Variants in RARB observed in about 807,000 individuals in gnomAD.
RARB encodes retinoic acid receptor beta, also known as HBV-activated protein.
Under a neutral mutation model 51.9 loss-of-function variants are expected in RARB, and 17 were observed. The ratio of observed to expected loss-of-function variants is 0.33; its 90% confidence interval spans 0.22 to 0.49. RARB has a LOEUF of 0.49. RARB is among the 20% of genes least tolerant of loss of function. The probability of loss-of-function intolerance (pLI) is 0.99; values close to 1 mark genes in which losing one functional copy is unlikely to be tolerated. For missense variants in RARB, 369 were observed against 550.8 expected, an observed-to-expected ratio of 0.67 and a Z score of 3.30; for synonymous variants, 215 against 195.4, an observed-to-expected ratio of 1.10 and a Z score of -0.84.
At chr3:24,993,176 C>T (rs1008790832) in intron 2 of RARB, among the ~76,000 whole-genome samples, 2 of 151,898 alleles carry the variant, frequency 1.3e-5, no homozygotes, top group African/African-American at 4.8e-5. Context: ...CATGATGATT[C>T]TGGTGAAAAA....
chr3:24,955,733 C>T (rs4296555), intron 2 of RARB, among the ~76,000 whole-genome samples: 6,499 of 151,808 alleles, frequency 0.043, 371 homozygotes, highest in African/African-American at 0.12. Context: ...CAATTTTTTT[C>T]GGGAGCAATA....
chr3:25,116,691 C>A (rs1018151819), intron 3 of RARB, among the ~76,000 whole-genome samples: 1 of 151,962 alleles, frequency 6.6e-6, no homozygotes, highest in Non-Finnish European at 1.5e-5. Context: ...TAAATGGTAT[C>A]TTTGAATTAC....
intron 3 of RARB, among the ~76,000 whole-genome samples, chr3:25,099,183 G>T (rs1341801856): frequency 6.6e-6 from 1 of 152,166 alleles, no homozygotes. Context: ...CAAAGCCCTT[G>T]GCTTTAAATA....
chr3:25,063,956 A>G (rs1307169379), intron 3 of RARB, among the ~76,000 whole-genome samples: 2 of 151,986 alleles, frequency 1.3e-5, no homozygotes, highest in African/African-American at 4.8e-5. Flanking sequence ...GATTCGAATG[A>G]TCTCCTCATT....
At chr3:25,106,358 C>A (rs1190132976) in intron 3 of RARB, among the ~76,000 whole-genome samples, 2 of 147,042 alleles carry the variant, frequency 1.4e-5, no homozygotes, top group Non-Finnish European at 1.5e-5. Context: ...TCACTGCAGC[C>A]TTGACCCCTC....
At chr3:24,904,893 T>C (rs986908438) in intron 2 of RARB, among the ~76,000 whole-genome samples, 2 of 152,192 alleles carry the variant, frequency 1.3e-5, no homozygotes, top group African/African-American at 4.8e-5. Context: ...ACCATCATTC[T>C]CAGCAAACTA....
intron 2 of RARB, among the ~76,000 whole-genome samples, chr3:25,002,810 T>C (rs943063014): frequency 4.6e-5 from 7 of 151,966 alleles, no homozygotes; most frequent in African/African-American, 1.4e-4. Context: ...TTTAATTGCT[T>C]TGTTTCATCA....
chr3:25,222,233 C>CTA (rs1701963581), intron 5 of RARB, among the ~76,000 whole-genome samples: 2 of 152,220 alleles, frequency 1.3e-5, no homozygotes, highest in East Asian at 3.9e-4. Flanking sequence ...CCCAGGAGGC[C>CTA]TATATAATTG....
chr3:25,053,370 G>A (rs1231989085), intron 2 of RARB, among the ~76,000 whole-genome samples: 1 of 152,142 alleles, frequency 6.6e-6, no homozygotes, highest in African/African-American at 2.4e-5. Context: ...CTAGGGGTAA[G>A]AATTGGGTTC....
chr3:25,121,734 G>T (rs935725229), intron 3 of RARB, among the ~76,000 whole-genome samples: 2 of 151,954 alleles, frequency 1.3e-5, no homozygotes, highest in African/African-American at 4.8e-5. Context: ...GAATTAATAG[G>T]CTACTCAAAA....
intron 5 of RARB, among the ~76,000 whole-genome samples, chr3:25,417,773 G>A (rs1346375684): frequency 1.3e-5 from 2 of 152,210 alleles, no homozygotes; most frequent in Non-Finnish European, 2.9e-5. Context: ...AAACAAATTA[G>A]AGAGTTGATT....
chr3:25,026,848 G>C (rs553283266), intron 2 of RARB, among the ~76,000 whole-genome samples: 2 of 152,336 alleles, frequency 1.3e-5, no homozygotes, highest in South Asian at 4.1e-4. Flanking sequence ...TGGGAAGATA[G>C]CTGAAATATG....
At chr3:25,215,881 G>C (rs1701823577) in intron 5 of RARB, among the ~76,000 whole-genome samples, 1 of 152,182 alleles carries the variant, frequency 6.6e-6, no homozygotes, top group Non-Finnish European at 1.5e-5. Context: ...TTTGATGTCA[G>C]ACTCTAGTAT....
At chr3:25,209,529 C>T (rs894258954) in intron 5 of RARB, among the ~76,000 whole-genome samples, 3 of 152,170 alleles carry the variant, frequency 2.0e-5, no homozygotes, top group Admixed American at 6.5e-5. Flanking sequence ...CTTTTGTGAA[C>T]ATTGTTAAAG....
rs181493989 is a variant in RARB, at chr3:24,836,635, T to G, written c.-459+7232T>G. Among the ~76,000 whole-genome samples, 16 of 152,324 alleles carry G rather than the reference T, an allele frequency of 1.1e-4. No homozygotes were observed. In the East Asian group the frequency reaches 3.1e-3, roughly 29 times the overall value. On this transcript the variant is annotated intron_variant, in intron 1 of 11. Coordinates refer to the RARB transcript ENST00000383772. Reference sequence around the variant, plus strand: ...GCTCTTTATGATCTGGCCCCTGTTATCTCTCTGACCTCATCCTTGGCCTCC... The same window carrying G: ...GCTCTTTATGATCTGGCCCCTGTTAGCTCTCTGACCTCATCCTTGGCCTCC...
intron 2 of RARB, among the ~76,000 whole-genome samples, chr3:24,932,073 C>CT (rs77286698): frequency 0.044 from 6,772 of 152,184 alleles, 186 homozygotes; most frequent in East Asian, 0.1. Flanking sequence ...AAACTCCCAA[C>CT]TTGGGGAGCC....
intron 3 of RARB, among the ~76,000 whole-genome samples, chr3:25,559,129 T>G (rs1340326469): frequency 1.3e-5 from 2 of 152,128 alleles, no homozygotes; most frequent in African/African-American, 4.8e-5. Flanking sequence ...CTAAATTCCA[T>G]CATGTAGCCA....
At chr3:25,113,221 A>G (rs1229904731) in intron 3 of RARB, among the ~76,000 whole-genome samples, 2 of 152,082 alleles carry the variant, frequency 1.3e-5, no homozygotes, top group Non-Finnish European at 2.9e-5. Context: ...TTCAATTAGC[A>G]ATTAGCTCCT....
intron 3 of RARB, among the ~76,000 whole-genome samples, chr3:25,123,818 A>G (rs1394263999): frequency 6.6e-6 from 1 of 152,116 alleles, no homozygotes; most frequent in Non-Finnish European, 1.5e-5. Context: ...CCTCTCCCTC[A>G]TCTACTATCT....
Sources: allele counts gnomAD v4.1 joint callset (sites outside exome capture counted in the v4.1 genomes callset), GRCh38; gene constraint gnomAD v4.1.1; transcripts MANE v1.5; gene names NCBI Gene and HGNC (gene_info 2026-07-23, HGNC 2026-07-21).